RARB: variants seen among roughly 807,000 people sequenced by gnomAD.
The protein encoded by RARB is HBV-activated protein.
A neutral mutation model predicts 51.9 loss-of-function variants in RARB; 17 were observed. The ratio of observed to expected loss-of-function variants is 0.33; its 90% CI spans 0.22 to 0.49. The LOEUF (loss-of-function observed/expected upper bound fraction) is 0.49, where lower values mean the gene tolerates loss of function less well. Ranked by LOEUF, RARB falls within the 20% of genes least tolerant of loss-of-function variation. The probability of loss-of-function intolerance (pLI) is 0.99; values close to 1 mark genes in which losing one functional copy is unlikely to be tolerated. For synonymous variants in RARB, 215 were observed against 195.4 expected, an observed-to-expected ratio of 1.10 and a Z score of -0.84; for missense variants, 369 against 550.8, an observed-to-expected ratio of 0.67 and a Z score of 3.30.
chr3:24,965,278 A>G (rs1696231758), intron 2 of RARB, among the ~76,000 whole-genome samples: 1 of 152,152 alleles, frequency 6.6e-6, no homozygotes, highest in South Asian at 2.1e-4. Flanking sequence ...AATGTATGGA[A>G]TTTCCAAATC....
intron 2 of RARB, among the ~76,000 whole-genome samples, chr3:24,873,543 G>A (rs562024545): frequency 6.6e-6 from 1 of 151,768 alleles, no homozygotes; most frequent in East Asian, 1.9e-4. Context: ...GGGACCAAAT[G>A]GATTGTGGGT....
At chr3:24,913,765 G>C (rs940298872) in intron 2 of RARB, among the ~76,000 whole-genome samples, 10 of 152,134 alleles carry the variant, frequency 6.6e-5, no homozygotes, top group African/African-American at 2.4e-4. Context: ...AACGTTTTTG[G>C]GGAAAAAGTT....
rs1015053272 is a variant in RARB, at chr3:25,550,857, G to C, written c.449-18901G>C. ...ATGTGGTGTTTGGTTTTCTGAACCTGCATTAGTTTGCTGAAGATAATGGCT... is the reference window on the plus strand; with the variant it reads ...ATGTGGTGTTTGGTTTTCTGAACCTCCATTAGTTTGCTGAAGATAATGGCT... On this transcript the variant is annotated intron_variant, in intron 3 of 7. Coordinates refer to ENST00000330688, the MANE Select transcript of RARB (RefSeq NM_000965.5). Among the ~76,000 whole-genome samples the C allele has an allele frequency of 9.2e-5, 14 of 152,282 alleles. 1 individual carries two copies. Among genetic ancestry groups the C allele is most frequent in the South Asian group, 6.2e-4 (3 of 4,826 alleles).
chr3:24,922,467 G>A (rs999738966), intron 2 of RARB, among the ~76,000 whole-genome samples: 6 of 152,144 alleles, frequency 3.9e-5, no homozygotes, highest in South Asian at 2.1e-4. Context: ...GCAGTCGTAG[G>A]CCGTAGGTAT....
At chr3:25,470,170 A>G (rs1695616575) in intron 2 of RARB, among the ~76,000 whole-genome samples, 1 of 152,186 alleles carries the variant, frequency 6.6e-6, no homozygotes, top group Non-Finnish European at 1.5e-5. Flanking sequence ...TGGAACTTCT[A>G]AGTAAGTGCC....
chr3:25,394,390 G>A (rs1434131436), intron 5 of RARB, among the ~76,000 whole-genome samples: 1 of 152,150 alleles, frequency 6.6e-6, no homozygotes, highest in Admixed American at 6.5e-5. Context: ...TGGTTAGAAT[G>A]TTCAGTAAAT....
At chr3:25,012,385 A>C (rs1697417539) in intron 2 of RARB, among the ~76,000 whole-genome samples, 1 of 152,118 alleles carries the variant, frequency 6.6e-6, no homozygotes, top group Admixed American at 6.6e-5. Flanking sequence ...GTTTTGATTC[A>C]GAAGGTCTTG....
chr3:25,017,069 T>C lies in RARB; in HGVS notation c.-379-43056T>C, dbSNP rs148044080. 2.3e-3 allele frequency among the ~76,000 whole-genome samples: 343 copies of C among 152,264 alleles called. 2 individuals carry two copies. The highest frequency in any genetic ancestry group is 7.7e-3 in the African/African-American group (319 of 41,562). On this transcript the variant is annotated intron_variant, in intron 2 of 11. Transcript: ENST00000383772. ...ATGTTTAAGGAGAAAGGAATTAGGCTCTACTTCTTGGTGTGGAGTGGCAGG... is the reference window on the plus strand; with the variant it reads ...ATGTTTAAGGAGAAAGGAATTAGGCCCTACTTCTTGGTGTGGAGTGGCAGG...
At chr3:25,514,660 A>G (rs1698070362) in intron 3 of RARB, among the ~76,000 whole-genome samples, 1 of 152,188 alleles carries the variant, frequency 6.6e-6, no homozygotes, top group Non-Finnish European at 1.5e-5. Flanking sequence ...TCTAAACAAT[A>G]TTTTGGTTTA....
intron 2 of RARB, among the ~76,000 whole-genome samples, chr3:25,054,331 T>C (rs540049206): frequency 1.3e-5 from 2 of 152,224 alleles, no homozygotes; most frequent in Admixed American, 6.5e-5. Flanking sequence ...AAATTGATTG[T>C]GTACTAGTTG....
At chr3:25,527,230 G>C (rs529626034) in intron 3 of RARB, among the ~76,000 whole-genome samples, 2 of 152,306 alleles carry the variant, frequency 1.3e-5, no homozygotes, top group South Asian at 4.1e-4. Flanking sequence ...CACGGGCTTA[G>C]AGCAGTGATC....
chr3:25,340,870 C>T (rs1705206969), intron 5 of RARB, among the ~76,000 whole-genome samples: 1 of 152,166 alleles, frequency 6.6e-6, no homozygotes, highest in Admixed American at 6.5e-5. Context: ...AGGAATGAAG[C>T]TGAGTAGAAT....
intron 4 of RARB, among the ~76,000 whole-genome samples, chr3:25,133,892 G>A (rs972413433): frequency 1.4e-5 from 2 of 147,330 alleles, no homozygotes; most frequent in African/African-American, 2.5e-5. Flanking sequence ...CAGCTGTGAA[G>A]TTAATTAAAT....
At chr3:25,355,440 G>T (rs1056212625) in intron 5 of RARB, among the ~76,000 whole-genome samples, 1 of 152,152 alleles carries the variant, frequency 6.6e-6, no homozygotes, top group African/African-American at 2.4e-5. Context: ...TTGTCACACA[G>T]TGAAGCACTT....
rs543560290 is a variant in RARB, at chr3:25,570,438, T to C, written c.609+520T>C. ...AAGGTTTGCCTTCTGTGAGAGGACATGTACAAAACCCCCAAGCCAGGGCCT... is the reference window on the plus strand; with the variant it reads ...AAGGTTTGCCTTCTGTGAGAGGACACGTACAAAACCCCCAAGCCAGGGCCT... On this transcript the variant is annotated intron_variant, in intron 4 of 7. Transcript: ENST00000330688. 9.2e-5 allele frequency among the ~76,000 whole-genome samples: 14 copies of C among 152,278 alleles called. No individual in the cohort carries two copies. In the East Asian group the frequency reaches 2.3e-3, roughly 25 times the overall value.
intron 3 of RARB, among the ~76,000 whole-genome samples, chr3:25,113,420 A>G (rs970962776): frequency 6.6e-6 from 1 of 152,226 alleles, no homozygotes; most frequent in African/African-American, 2.4e-5. Context: ...CCATTTCCTA[A>G]TAATAAACAT....
At chr3:25,197,592 G>T (rs55942234) in intron 5 of RARB, among the ~76,000 whole-genome samples, 1 of 151,924 alleles carries the variant, frequency 6.6e-6, no homozygotes, top group Non-Finnish European at 1.5e-5. Context: ...CAGTAAAGTT[G>T]TAGGATACAA....
At chr3:25,457,937 AC>A (rs1694997551) in intron 1 of RARB, among the ~76,000 whole-genome samples, 1 of 152,050 alleles carries the variant, frequency 6.6e-6, no homozygotes, top group Non-Finnish European at 1.5e-5. Flanking sequence ...TGATGACATG[AC>A]TCTGTCAGTT....
intron 2 of RARB, among the ~76,000 whole-genome samples, chr3:24,981,505 C>T (rs562703582): frequency 6.6e-6 from 1 of 152,278 alleles, no homozygotes; most frequent in South Asian, 2.1e-4. Context: ...ACGCCCCTCC[C>T]CCCACCACAC....
Sources: allele counts gnomAD v4.1 joint callset (sites outside exome capture counted in the v4.1 genomes callset), GRCh38; gene constraint gnomAD v4.1.1; transcripts MANE v1.5; gene names NCBI Gene and HGNC (gene_info 2026-07-23, HGNC 2026-07-21).